RBPMS: variants seen among roughly 807,000 people sequenced by gnomAD.
RBPMS encodes RNA binding protein, mRNA processing factor.
RBPMS carries 7 observed loss-of-function variants against 26.8 expected under a neutral mutation model. The ratio of observed to expected loss-of-function variants is 0.26; its 90% confidence interval spans 0.15 to 0.49. The LOEUF (loss-of-function observed/expected upper bound fraction) is 0.49, where lower values mean the gene tolerates loss of function less well. Ranked by LOEUF, RBPMS falls within the 20% of genes least tolerant of loss-of-function variation. RBPMS has a pLI of 0.98. For synonymous variants in RBPMS, 96 were observed against 93.3 expected (o/e 1.03, Z -0.17); for missense variants, 186 against 250.0 (o/e 0.74, Z 1.73).
intron 6 of RBPMS, chr8:30,556,233 CCTCA>C (rs1223287338): frequency 7.1e-6 from 7 of 985,322 alleles, no homozygotes; most frequent in Non-Finnish European, 8.4e-6. Context: ...TCACTGGCGT[CCTCA>C]CTCCTCAGCT....
chr8:30,474,619 G>A (rs1210570206), intron 1 of RBPMS, among the ~76,000 whole-genome samples, 160 bp from the exon 2 acceptor site: 1 of 152,210 alleles, frequency 6.6e-6, no homozygotes, highest in African/African-American at 2.4e-5. Context: ...TGTTGGCTTA[G>A]TGGCATCTTA....
chr8:30,557,488 C>T (rs1359799132), intron 6 of RBPMS, among the ~76,000 whole-genome samples: 1 of 152,212 alleles, frequency 6.6e-6, no homozygotes, highest in Non-Finnish European at 1.5e-5. Context: ...GTGCCCACAC[C>T]TGTAAAACAA....
At chr8:30,555,283 G>A (rs1826760917) in intron 6 of RBPMS, among the ~76,000 whole-genome samples, 1 of 152,162 alleles carries the variant, frequency 6.6e-6, no homozygotes, top group Admixed American at 6.5e-5. Flanking sequence ...GAAGAAGAGG[G>A]ATGGTAGAAT....
intron 6 of RBPMS, chr8:30,545,171 T>C (rs1302809140): frequency 2.3e-6 from 3 of 1,299,864 alleles, no homozygotes; most frequent in Non-Finnish European, 3.0e-6. Flanking sequence ...CAGGAAACCC[T>C]GTAGAAAAGG....
chr8:30,541,553 T>C (rs1276706289), intron 5 of RBPMS, among the ~76,000 whole-genome samples: 1 of 152,140 alleles, frequency 6.6e-6, no homozygotes, highest in Non-Finnish European at 1.5e-5. Context: ...AAAAAAGCCC[T>C]GGCCTCTTGA....
chr8:30,540,196 G>A (rs1173020493), intron 5 of RBPMS, among the ~76,000 whole-genome samples: 1 of 152,186 alleles, frequency 6.6e-6, no homozygotes, highest in Non-Finnish European at 1.5e-5. Context: ...CAGGCAAGAG[G>A]AGGGGGAGAA....
At position 30,570,967 on chromosome 8, in the gene RBPMS, A is replaced by G. The variant is rs778082697; in HGVS notation, c.*442A>G. 2.0e-5 allele frequency: 3 copies of G among 152,174 alleles called. No homozygotes were observed. Among genetic ancestry groups the G allele is most frequent in the Non-Finnish European group, 4.4e-5 (3 of 68,044 alleles). 9.4% of individuals were successfully genotyped at this position (152,174 alleles called of 1,614,324 possible). ...TTGTTCTTGACTTTTGAATGCTTGT[A>G]ATTAAAAATATCTATTTTTTTCCTC... is the stretch of plus-strand genomic sequence containing the variant. On this transcript the variant is annotated 3_prime_UTR_variant, in exon 9 of 9. Transcript: ENST00000397323.
At chr8:30,451,278 C>T (rs1049566188) in intron 1 of RBPMS, among the ~76,000 whole-genome samples, 4 of 152,192 alleles carry the variant, frequency 2.6e-5, no homozygotes, top group Non-Finnish European at 5.9e-5. Context: ...ATCGTTGAAT[C>T]ATATCCTGTC....
In RBPMS at chr8:30,409,083, C is replaced by G. The variant is rs545175993; in HGVS notation, c.66+23925C>G. 5.3e-5 allele frequency among the ~76,000 whole-genome samples: 8 copies of G among 152,250 alleles called. No individual in the cohort carries two copies. In the South Asian group the frequency reaches 1.7e-3, roughly 32 times the overall value. ...TATGGATGTGCCATGTTTTGTTTGT[C>G]CATTCATCTGTTAACATATATTTGG... On this transcript the variant is annotated intron_variant, in intron 1 of 8. Coordinates refer to ENST00000397323, the MANE Select transcript of RBPMS (RefSeq NM_001008710.3).
intron 5 of RBPMS, among the ~76,000 whole-genome samples, chr8:30,543,717 C>A (rs1044816743): frequency 6.6e-6 from 1 of 152,100 alleles, no homozygotes; most frequent in African/African-American, 2.4e-5. Flanking sequence ...CAGGCACTTG[C>A]CCTTCAATCT....
At chr8:30,410,455 C>T (rs1385196981) in intron 1 of RBPMS, among the ~76,000 whole-genome samples, 2 of 151,644 alleles carry the variant, frequency 1.3e-5, no homozygotes. Context: ...TCATCTGCCC[C>T]CCTCGGCCTC....
At chr8:30,512,949 G>A (rs535826725) in intron 5 of RBPMS, among the ~76,000 whole-genome samples, 2 of 152,326 alleles carry the variant, frequency 1.3e-5, no homozygotes, top group Admixed American at 6.5e-5. Context: ...CACCCGAAAT[G>A]CTACTGGGTG....
At chr8:30,568,231 G>T (rs1019098332) in intron 8 of RBPMS, among the ~76,000 whole-genome samples, 2 of 152,192 alleles carry the variant, frequency 1.3e-5, no homozygotes, top group Non-Finnish European at 2.9e-5. Flanking sequence ...GAGTTGGGGG[G>T]AGAACATTCC....
chr8:30,501,445 T>TGACGAACAA (rs1268938698), intron 4 of RBPMS, among the ~76,000 whole-genome samples: 199 of 152,234 alleles, frequency 1.3e-3, no homozygotes, highest in African/African-American at 4.4e-3. Context: ...AAGAATATGT[T>TGACGAACAA]GTTTCTCAGC....
intron 5 of RBPMS, among the ~76,000 whole-genome samples, chr8:30,532,931 A>G (rs763893925): frequency 1.3e-5 from 2 of 152,196 alleles, no homozygotes; most frequent in Non-Finnish European, 2.9e-5. Flanking sequence ...AATCAGCATT[A>G]CTGCCTGAAA....
chr8:30,497,416 C>T (rs766259085), intron 4 of RBPMS, among the ~76,000 whole-genome samples: 1 of 151,928 alleles, frequency 6.6e-6, no homozygotes, highest in East Asian at 1.9e-4. Context: ...TGGTAATGCA[C>T]ACCTATAATC....
intron 1 of RBPMS, among the ~76,000 whole-genome samples, chr8:30,455,890 A>AAAAAATAAAT (rs1266209501): frequency 6.6e-6 from 1 of 152,196 alleles, no homozygotes; most frequent in Non-Finnish European, 1.5e-5. Context: ...ACTCTGTCTC[A>AAAAAATAAAT]AAAAATAAAT....
At chr8:30,552,396 T>A (rs1227429808) in intron 6 of RBPMS, 1 of 152,042 alleles carries the variant, frequency 6.6e-6, no homozygotes, top group African/African-American at 2.4e-5. Context: ...TAAAGGAAAA[T>A]CAACTCCAAA....
intron 1 of RBPMS, among the ~76,000 whole-genome samples, chr8:30,457,649 G>T (rs1412987796): frequency 6.9e-6 from 1 of 145,268 alleles, no homozygotes; most frequent in African/African-American, 2.6e-5. Flanking sequence ...CTGGAGTGCA[G>T]TGGTGCGATG....
Sources: allele counts gnomAD v4.1 joint callset (sites outside exome capture counted in the v4.1 genomes callset), GRCh38; gene constraint gnomAD v4.1.1; transcripts MANE v1.5; gene names NCBI Gene and HGNC (gene_info 2026-07-23, HGNC 2026-07-21).